The following MARCHF1 variants were observed in gnomAD, a reference collection of about 807,000 sequenced individuals.
The protein encoded by MARCHF1 is membrane associated ring-CH-type finger 1.
MARCHF1 carries 40 observed loss-of-function variants against 54.2 expected under a neutral mutation model. The ratio of observed to expected loss-of-function variants is 0.74; its 90% confidence interval spans 0.57 to 0.96. The LOEUF is 0.96. Among genes scored for constraint, MARCHF1 ranks in the 40% least tolerant of loss-of-function variants. The probability of loss-of-function intolerance (pLI) is 0.00; values close to 1 mark genes in which losing one functional copy is unlikely to be tolerated. For missense variants in MARCHF1, 586 were observed against 656.5 expected (o/e 0.89, Z 1.17); for synonymous variants, 236 against 236.3 (o/e 1.00, Z 0.01).
At chr4:164,177,784 A>G (rs1405736976) in intron 1 of MARCHF1, among the ~76,000 whole-genome samples, 1 of 147,588 alleles carries the variant, frequency 6.8e-6, no homozygotes. Context: ...CTCTCTCTCA[A>G]TCTCAGTGTG....
rs573169077 is a variant in MARCHF1, at chr4:163,974,496, C to G, written c.-39+14005G>C. Reference sequence around the variant, plus strand: ...TCCAACTGTTGAGTTACTCTCCAACCTTTGAATCTTTCCAGCTGAAGCCCA... The same window carrying G: ...TCCAACTGTTGAGTTACTCTCCAACGTTTGAATCTTTCCAGCTGAAGCCCA... On this transcript the variant is annotated intron_variant, in intron 3 of 9. Transcript: ENST00000514618. Among the ~76,000 whole-genome samples, 403 of 152,250 alleles carry G rather than the reference C, an allele frequency of 2.6e-3. 3 individuals are homozygous for G. Among genetic ancestry groups the G allele is most frequent in the African/African-American group, 9.4e-3 (389 of 41,546 alleles).
intron 4 of MARCHF1, among the ~76,000 whole-genome samples, chr4:163,780,196 A>C (rs1248226431): frequency 6.6e-6 from 1 of 152,228 alleles, no homozygotes; most frequent in Non-Finnish European, 1.5e-5. Flanking sequence ...CCACATCTTC[A>C]AAAAGTAGAA....
chr4:164,021,758 C>T (rs902506038), intron 2 of MARCHF1, among the ~76,000 whole-genome samples: 27 of 151,630 alleles, frequency 1.8e-4, no homozygotes, highest in South Asian at 2.1e-4. Flanking sequence ...TCAGGAGATG[C>T]GGACAGAATT....
intron 1 of MARCHF1, among the ~76,000 whole-genome samples, chr4:164,185,434 A>C (rs986159844): frequency 6.6e-6 from 1 of 152,212 alleles, no homozygotes; most frequent in Non-Finnish European, 1.5e-5. Flanking sequence ...AGTCCTGCAC[A>C]TGTCAAATAA....
At chr4:163,551,526 G>A (rs10005312) in intron 8 of MARCHF1, among the ~76,000 whole-genome samples, 2,832 of 152,314 alleles carry the variant, frequency 0.019, 41 homozygotes, top group East Asian at 0.07. Context: ...AAGCCAGGTA[G>A]GTGGTAGGCA....
intron 3 of MARCHF1, chr4:163,933,149 C>T: frequency 1.2e-6 from 1 of 859,420 alleles, no homozygotes; most frequent in African/African-American, 1.7e-5. Flanking sequence ...AAGATTCATC[C>T]AAAAGACAGC....
At chr4:163,912,010 G>C (rs1284348586) in intron 3 of MARCHF1, among the ~76,000 whole-genome samples, 1 of 151,182 alleles carries the variant, frequency 6.6e-6, no homozygotes, top group Non-Finnish European at 1.5e-5. Flanking sequence ...CAGAAGAAAA[G>C]AAATCGTTAG....
At chr4:163,914,539 C>T (rs1751264316) in intron 3 of MARCHF1, among the ~76,000 whole-genome samples, 1 of 152,040 alleles carries the variant, frequency 6.6e-6, no homozygotes, top group Non-Finnish European at 1.5e-5. Flanking sequence ...AAACATTTTA[C>T]TTTTGTTTAA....
At chr4:163,639,911 G>A (rs1742492454) in intron 5 of MARCHF1, among the ~76,000 whole-genome samples, 1 of 152,084 alleles carries the variant, frequency 6.6e-6, no homozygotes, top group Non-Finnish European at 1.5e-5. Flanking sequence ...TAAGAAAAGT[G>A]TATCTTTAGG....
intron 3 of MARCHF1, among the ~76,000 whole-genome samples, chr4:163,961,049 CA>C (rs1201180214): frequency 6.6e-6 from 1 of 151,768 alleles, no homozygotes; most frequent in Non-Finnish European, 1.5e-5. Flanking sequence ...TATGAGGACC[CA>C]ACCCTGTTGG....
At chr4:163,559,228 A>G (rs1560941721) in intron 8 of MARCHF1, among the ~76,000 whole-genome samples, 1 of 151,930 alleles carries the variant, frequency 6.6e-6, no homozygotes, top group Non-Finnish European at 1.5e-5. Flanking sequence ...AAAATTATTC[A>G]TAATCTCATT....
In MARCHF1 at chr4:164,032,902, C is replaced by A. The variant is rs563069217; in HGVS notation, c.-247-44193G>T. Among the ~76,000 whole-genome samples, 123 of 152,220 alleles carry A rather than the reference C, an allele frequency of 8.1e-4. 1 individual carries two copies. Among genetic ancestry groups the A allele is most frequent in the African/African-American group, 2.9e-3 (120 of 41,538 alleles). ...AGGCATCATGCTACCCGACTTCAAA[C>A]TATACTACAAGTCTATAGTAACGAA... On this transcript the variant is annotated intron_variant, in intron 2 of 9. Coordinates refer to ENST00000514618, the MANE Select transcript of MARCHF1 (RefSeq NM_001394959.1).
At chr4:164,256,831 C>T (rs879594567) in intron 1 of MARCHF1, among the ~76,000 whole-genome samples, 21 of 152,092 alleles carry the variant, frequency 1.4e-4, no homozygotes, top group Non-Finnish European at 2.2e-4. Context: ...CTGGTACAGT[C>T]CATTTGGTGT....
At chr4:164,238,079 A>T (rs150219341) in intron 1 of MARCHF1, among the ~76,000 whole-genome samples, 176 of 152,234 alleles carry the variant, frequency 1.2e-3, no homozygotes, top group African/African-American at 4.2e-3. Context: ...ATACTCCATT[A>T]TAAGCTTTAA....
intron 2 of MARCHF1, among the ~76,000 whole-genome samples, chr4:164,111,000 C>G (rs1016923665): frequency 6.6e-6 from 1 of 151,724 alleles, no homozygotes; most frequent in African/African-American, 2.4e-5. Context: ...CCTTTGGTTG[C>G]TCTGGGTCAT....
chr4:164,261,432 T>C (rs1733461301), intron 1 of MARCHF1, among the ~76,000 whole-genome samples: 1 of 152,170 alleles, frequency 6.6e-6, no homozygotes, highest in Non-Finnish European at 1.5e-5. Context: ...GCAAAATTTT[T>C]AAGGTACCTT....
At chr4:163,720,464 T>C (rs1047044091) in intron 4 of MARCHF1, among the ~76,000 whole-genome samples, 2 of 152,240 alleles carry the variant, frequency 1.3e-5, no homozygotes, top group African/African-American at 4.8e-5. Flanking sequence ...GGTAGTGTGA[T>C]GCCTCCGGCT....
At chr4:163,761,854 T>C (rs1344114695) in intron 4 of MARCHF1, among the ~76,000 whole-genome samples, 2 of 152,210 alleles carry the variant, frequency 1.3e-5, no homozygotes, top group Admixed American at 1.3e-4. Flanking sequence ...TCGATTTGAG[T>C]ATTGAATGTA....
chr4:164,274,581 C>T (rs1733823514), intron 1 of MARCHF1, among the ~76,000 whole-genome samples: 1 of 146,330 alleles, frequency 6.8e-6, no homozygotes, highest in Non-Finnish European at 1.5e-5. Flanking sequence ...AGACTTAGTG[C>T]TGATTAGGTT....
Sources: allele counts gnomAD v4.1 joint callset (sites outside exome capture counted in the v4.1 genomes callset), GRCh38; gene constraint gnomAD v4.1.1; transcripts MANE v1.5; gene names NCBI Gene and HGNC (gene_info 2026-07-23, HGNC 2026-07-21).